CSN2: variants seen among roughly 807,000 people sequenced by gnomAD.
CSN2 encodes casein beta.
CSN2 carries 27 observed loss-of-function variants against 27.3 expected under a neutral mutation model. The observed-to-expected ratio is 0.99, with a 90% CI of 0.73 to 1.36. CSN2 has a LOEUF of 1.36. CSN2 is among the 40% of genes most tolerant of loss of function. The pLI, the probability that CSN2 is intolerant of heterozygous loss-of-function variation, is 0.00. For synonymous variants in CSN2, 131 were observed against 94.8 expected, an observed-to-expected ratio of 1.38 and a Z score of -2.22; for missense variants, 333 against 264.5, an observed-to-expected ratio of 1.26 and a Z score of -1.80.
intron 1 of CSN2, among the ~76,000 whole-genome samples, chr4:69,961,513 C>T (rs1207162987): frequency 2.6e-5 from 4 of 152,050 alleles, no homozygotes; most frequent in Non-Finnish European, 4.4e-5. Flanking sequence ...GCAGAAAAGG[C>T]CTTTGACAAA....
chr4:69,963,544 A>C (rs1723679132), intron 1 of CSN2, among the ~76,000 whole-genome samples: 1 of 151,658 alleles, frequency 6.6e-6, no homozygotes, highest in African/African-American at 2.4e-5. Flanking sequence ...CAATGGGAAC[A>C]CACGGACACA....
At chr4:69,959,922 CA>C (rs1271836096) in intron 3 of CSN2, 130 bp downstream of exon 3, 1 of 695,508 alleles carries the variant, frequency 1.4e-6, no homozygotes, top group Non-Finnish European at 2.4e-6. Context: ...CTTAAACACA[CA>C]TAAAAGAAAT....
At chr4:69,962,116 C>A (rs537628799) in intron 1 of CSN2, among the ~76,000 whole-genome samples, 8 of 152,236 alleles carry the variant, frequency 5.3e-5, no homozygotes, top group Admixed American at 3.9e-4. Context: ...ATTCCATGCT[C>A]ATGGGTAGGA....
intron 6 of CSN2, 95 bp downstream of exon 6, chr4:69,957,179 G>GT (rs947194691): frequency 4.7e-6 from 6 of 1,268,158 alleles, no homozygotes; most frequent in South Asian, 3.4e-5. Context: ...TATCTAAACT[G>GT]TTTTTTTAAT....
At chr4:69,961,040 A>G in intron 1 of CSN2, 33 bp from the exon 2 acceptor site, 1 of 1,478,266 alleles carries the variant, frequency 6.8e-7, no homozygotes, top group Non-Finnish European at 9.5e-7. Flanking sequence ...ATGGTGGAAG[A>G]TTGGTCAATT....
chr4:69,959,535 G>A (rs1384109391), intron 3 of CSN2, among the ~76,000 whole-genome samples: 1 of 152,004 alleles, frequency 6.6e-6, no homozygotes, highest in African/African-American at 2.4e-5. Context: ...CAAGAAGAGT[G>A]GTGTAAGAAT....
intron 1 of CSN2, among the ~76,000 whole-genome samples, chr4:69,964,527 A>T (rs1163094697): frequency 6.6e-6 from 1 of 151,954 alleles, no homozygotes; most frequent in African/African-American, 2.4e-5. Flanking sequence ...TGAAGGTTGA[A>T]CATAATTCTA....
chr4:69,957,695 G>A lies in CSN2; in HGVS notation c.254C>T (p.Ala85Val). ...GFLPQNILPL[A>V]QPAVVLPVPQ... ...GACAGGCAGCACCACAGCAGGCTGA[G>A]CAAGAGGCAGAATGTTTTGTGGAAG... is the stretch of plus-strand genomic sequence containing the variant. The change falls in exon 6 of 8, where the codon GCT becomes GTT. Residue 85 changes from alanine (A) to valine (V), a missense_variant. By Grantham distance (64) the Ala-to-Val change is moderately conservative (BLOSUM62 0). Transcript: ENST00000353151. The A allele has an allele frequency of 6.2e-7, 1 of 1,614,020 alleles. No individual in the cohort carries two copies. Among genetic ancestry groups the A allele is most frequent in the Non-Finnish European group, 8.5e-7 (1 of 1,180,004 alleles).
intron 1 of CSN2, among the ~76,000 whole-genome samples, chr4:69,964,646 T>C (rs1307884551): frequency 1.3e-5 from 2 of 151,258 alleles, no homozygotes; most frequent in Non-Finnish European, 3.0e-5. Flanking sequence ...TATGTCAGGG[T>C]TCAGAAACAG....
At chr4:69,961,742 G>A (rs1034546466) in intron 1 of CSN2, among the ~76,000 whole-genome samples, 1 of 152,106 alleles carries the variant, frequency 6.6e-6, no homozygotes, top group East Asian at 1.9e-4. Context: ...GGGCAATTAG[G>A]CAGGAGAAGG....
At chr4:69,965,172 C>T (rs1000030034) in intron 1 of CSN2, among the ~76,000 whole-genome samples, 2 of 151,144 alleles carry the variant, frequency 1.3e-5, no homozygotes, top group African/African-American at 4.8e-5. Context: ...CTTCTAAAAA[C>T]ATTGTTTATA....
intron 3 of CSN2, 132 bp downstream of exon 3, chr4:69,959,921 A>ACATTTTAGCTAC: frequency 2.9e-6 from 2 of 691,342 alleles, no homozygotes; most frequent in South Asian, 4.3e-5. Context: ...CCTTAAACAC[A>ACATTTTAGCTAC]CATAAAAGAA....
At chr4:69,957,165 C>A in intron 6 of CSN2, 109 bp downstream of exon 6, 2 of 1,135,896 alleles carry the variant, frequency 1.8e-6, no homozygotes, top group Non-Finnish European at 2.4e-6. Context: ...ATAAAAGAAT[C>A]ACTTATCTAA....
chr4:69,959,660 T>C (rs940559602), intron 3 of CSN2, among the ~76,000 whole-genome samples: 3 of 152,108 alleles, frequency 2.0e-5, no homozygotes, highest in African/African-American at 7.2e-5. Context: ...GCCTACCTAC[T>C]ACTTAGCAAG....
chr4:69,957,430 C>T lies in CSN2; in HGVS notation c.519G>A (p.Gln173=), dbSNP rs778598477. ...LPPQPLWSVP[Q]PKVLPIPQQV... The stretch of plus-strand genomic sequence containing the variant: ...GCTGGGGGATAGGCAGGACTTTGGG[C>T]TGAGGAACAGACCACAGGGGCTGAG... Residue 173 remains glutamine, a synonymous_variant, in exon 6 of 8, where the codon CAG becomes CAA. Coordinates refer to ENST00000353151, the MANE Select transcript of CSN2 (RefSeq NM_001891.4). 7.4e-6 allele frequency: 12 copies of T among 1,613,446 alleles called. No individual in the cohort carries two copies. In the South Asian group the frequency reaches 9.9e-5, roughly 13 times the overall value.
intron 1 of CSN2, among the ~76,000 whole-genome samples, chr4:69,963,539 G>A (rs1380303863): frequency 1.3e-5 from 2 of 151,706 alleles, no homozygotes; most frequent in Admixed American, 6.6e-5. Flanking sequence ...TTGAACAATG[G>A]GAACACACGG....
At chr4:69,961,086 AT>A (rs1723564211) in intron 1 of CSN2, 79 bp from the exon 2 acceptor site, 17 of 883,802 alleles carry the variant, frequency 1.9e-5, no homozygotes, top group Non-Finnish European at 3.0e-5. Context: ...GTTACTTTTT[AT>A]AAAACAAAAA....
At position 69,957,380 on chromosome 4, in the gene CSN2, G is replaced by C; in HGVS notation, c.569C>G (p.Ala190Gly). Residue 190 changes from alanine to glycine, a missense_variant, in exon 6 of 8, where the codon GCT becomes GGT. Ala to Gly is a moderately conservative substitution (Grantham distance 60, BLOSUM62 0). Coordinates refer to ENST00000353151, the MANE Select transcript of CSN2 (RefSeq NM_001891.4). Reference sequence around the variant, plus strand: ...GAGCAGAAGGGCTTGAACAGGCACAGCTCTCTGAGGGTAGGGCACCACTTG... The same window carrying C: ...GAGCAGAAGGGCTTGAACAGGCACACCTCTCTGAGGGTAGGGCACCACTTG... ...PQQVVPYPQR[A>G]VPVQALLLNQ... The C allele has an allele frequency of 6.2e-7, 1 of 1,613,602 alleles. No individual in the cohort carries two copies.
intron 1 of CSN2, among the ~76,000 whole-genome samples, chr4:69,963,144 T>G (rs1468490490): frequency 6.6e-6 from 1 of 152,122 alleles, no homozygotes; most frequent in African/African-American, 2.4e-5. Context: ...GGTGGGACTG[T>G]AAACTAGTTC....
Sources: allele counts gnomAD v4.1 joint callset (sites outside exome capture counted in the v4.1 genomes callset), GRCh38; gene constraint gnomAD v4.1.1; transcripts MANE v1.5; gene names NCBI Gene and HGNC (gene_info 2026-07-23, HGNC 2026-07-21).